TMEM63B: variants seen among roughly 807,000 people sequenced by gnomAD.
The protein encoded by TMEM63B is mechanosensitive cation channel TMEM63B.
In TMEM63B, 23 loss-of-function variants were observed where a neutral mutation model predicts 102.6. The ratio of observed to expected loss-of-function variants is 0.22; its 90% CI spans 0.16 to 0.32. The LOEUF (loss-of-function observed/expected upper bound fraction) is 0.32. TMEM63B is among the 10% of genes least tolerant of loss of function. The probability of loss-of-function intolerance (pLI) is 1.00; values close to 1 mark genes in which losing one functional copy is unlikely to be tolerated. For synonymous variants in TMEM63B, 444 were observed against 437.0 expected, an observed-to-expected ratio of 1.02 and a Z score of -0.20; for missense variants, 628 against 1,095.9, an observed-to-expected ratio of 0.57 and a Z score of 6.03.
In TMEM63B at chr6:44,153,912, G is replaced by A. The variant is rs1767389964; in HGVS notation, c.2110+69G>A. 2.5e-6 allele frequency: 4 copies of A among 1,581,760 alleles called. No individual in the cohort carries two copies. In the African/African-American group the frequency reaches 5.4e-5, roughly 21 times the overall value. ...GGATTCCAGCCAGAGCAGGCCACAGGAGAAGCCGCATGGCTGGGGGTGGCA... is the reference window on the plus strand; with the variant it reads ...GGATTCCAGCCAGAGCAGGCCACAGAAGAAGCCGCATGGCTGGGGGTGGCA... On this transcript the variant is annotated intron_variant, in intron 21 of 23. Coordinates refer to ENST00000323267, the MANE Select transcript of TMEM63B (RefSeq NM_018426.3).
At chr6:44,138,925 A>T (rs1408605141) in intron 6 of TMEM63B, 1 of 285,738 alleles carries the variant, frequency 3.5e-6, no homozygotes, top group Non-Finnish European at 6.8e-6. Context: ...GCAGGAAGCC[A>T]GGACAGGTCA....
intron 22 of TMEM63B, 50 bp from the exon 23 acceptor site, chr6:44,154,315 C>T: frequency 7.5e-6 from 12 of 1,608,808 alleles, no homozygotes; most frequent in Non-Finnish European, 1.0e-5. Context: ...GGGTCATGAT[C>T]AGGGCTGAGG....
intron 1 of TMEM63B, 106 bp downstream of exon 1, chr6:44,127,784 C>G (rs1260374678): frequency 6.6e-6 from 1 of 151,930 alleles, no homozygotes; most frequent in South Asian, 2.1e-4. Flanking sequence ...CTTCAACCTC[C>G]TGCGGGACCC....
chr6:44,130,620 G>C (rs533720874), intron 1 of TMEM63B, among the ~76,000 whole-genome samples: 1 of 151,498 alleles, frequency 6.6e-6, no homozygotes, highest in Admixed American at 6.6e-5. Flanking sequence ...TTGGTGGTGG[G>C]GGGTATCTTT....
At chr6:44,126,702 A>C (rs1777099451), upstream of TMEM63B, among the ~76,000 whole-genome samples, 1 of 152,180 alleles carries the variant, frequency 6.6e-6, no homozygotes, top group African/African-American at 2.4e-5. Context: ...AGGAACCAGA[A>C]ATTAAATGAC....
intron 15 of TMEM63B, chr6:44,149,252 G>A (rs1018673261): frequency 2.2e-6 from 1 of 464,090 alleles, no homozygotes; most frequent in Admixed American, 3.4e-5. Context: ...AAATGGAAAG[G>A]TTCAACTAGA....
Position 44,150,071 on chromosome 6 carries a change from A to G in TMEM63B, c.1520+106A>G, listed in dbSNP as rs367754874. The G allele has an allele frequency of 5.6e-5, 76 of 1,359,628 alleles. No homozygotes were observed. The South Asian group carries it at 7.5e-4, about 13-fold the overall frequency. 84.2% of individuals were successfully genotyped at this position (1,359,628 alleles called of 1,614,324 possible). Reference sequence around the variant, plus strand: ...CAGGCTCCTGGCCCTGGGCAGTCCCACAGCTGGTAGGGAAGGGGTAGTGCC... The same window carrying G: ...CAGGCTCCTGGCCCTGGGCAGTCCCGCAGCTGGTAGGGAAGGGGTAGTGCC... On this transcript the variant is annotated intron_variant, in intron 16 of 23. Coordinates refer to ENST00000323267, the MANE Select transcript of TMEM63B (RefSeq NM_018426.3). This position sits in a 1 kb window ranked among gnomAD's most constrained non-coding sequence, Gnocchi z 4.7.
chr6:44,132,722 A>G (rs1192311233), intron 1 of TMEM63B, among the ~76,000 whole-genome samples: 1 of 132,300 alleles, frequency 7.6e-6, no homozygotes, highest in Non-Finnish European at 1.6e-5. Context: ...GCAGTCACCT[A>G]GCTCCTCCTG....
Position 44,134,666 on chromosome 6 carries a change from A to G in TMEM63B, c.82A>G (p.Ile28Val). The G allele has an allele frequency of 1.2e-6, 2 of 1,614,210 alleles. No individual in the cohort carries two copies. The highest frequency in any genetic ancestry group is 1.7e-6 in the Non-Finnish European group (2 of 1,180,030). Residue 28 changes from isoleucine (I) to valine (V), a missense_variant, in exon 2 of 24, where the codon ATC becomes GTC. Ile to Val is a conservative substitution (Grantham distance 29). Around this residue, in one of 6 missense-constraint regions of TMEM63B, gnomAD observed 336 missense variants for 580.3 expected, o/e 0.58. Coordinates refer to ENST00000323267, the MANE Select transcript of TMEM63B (RefSeq NM_018426.3). ...CAAGGACTACTGCTACAGCGCCCGC[A>G]TCCGCAGCACTGTCCTGCAGGGCCT... is the stretch of plus-strand genomic sequence containing the variant. ...NPKDYCYSAR[I>V]RSTVLQGLPF...
intron 1 of TMEM63B, among the ~76,000 whole-genome samples, chr6:44,128,695 A>G (rs1777715421): frequency 6.6e-6 from 1 of 152,222 alleles, no homozygotes; most frequent in South Asian, 2.1e-4. Flanking sequence ...CCGGGGAGCA[A>G]TGAGGCTGTG....
chr6:44,148,645 C>T lies in TMEM63B; in HGVS notation c.1254C>T (p.Ile418=). Residue 418 remains isoleucine (I), a synonymous_variant, in exon 14 of 24, where the codon ATC becomes ATT. Coordinates refer to ENST00000323267, the MANE Select transcript of TMEM63B (RefSeq NM_018426.3). This position sits in a 1 kb window ranked among gnomAD's most constrained non-coding sequence, Gnocchi z 5.1. ...CCTATGCCCCTGACCCTCAGAACAT[C>T]TACTGGTGAGCAAACAGGTGTCAGG... ...TVSYAPDPQN[I]YWEHLSIRGF... 1 of 1,614,004 alleles carries T rather than the reference C, an allele frequency of 6.2e-7. No individual in the cohort carries two copies.
chr6:44,148,118 G>A lies in TMEM63B; in HGVS notation c.988-134G>A. 2 of 1,359,156 alleles carry A rather than the reference G, an allele frequency of 1.5e-6. No homozygotes were observed. Among genetic ancestry groups the A allele is most frequent in the Admixed American group, 2.3e-5 (1 of 44,110 alleles). 84.2% of individuals were successfully genotyped at this position (1,359,156 alleles called of 1,614,324 possible). A position where few individuals can be genotyped will look rare whatever the true frequency, so the allele number is the denominator to read the frequency against. ...AGCCTGGGCATCAGAGCGAGACGCT[G>A]TTTCCAAAAAAAAAAAAATGCTTAG... is the stretch of plus-strand genomic sequence containing the variant. On this transcript the variant is annotated intron_variant, in intron 12 of 23. Transcript: ENST00000323267. This position sits in a 1 kb window ranked among gnomAD's most constrained non-coding sequence, Gnocchi z 5.1.
In TMEM63B at chr6:44,148,686, C is replaced by T. The variant is rs191364966; in HGVS notation, c.1259+36C>T. 1.9e-6 allele frequency: 3 copies of T among 1,611,998 alleles called. No homozygotes were observed. The highest frequency in any genetic ancestry group is 3.3e-5 in the Admixed American group (2 of 59,968). ...AGGTGTCAGGGCAGGCTTTCCAGGG[C>T]CTGGGATGGGCTCAGTAGGTAGGCG... On this transcript the variant is annotated intron_variant, in intron 14 of 23. Transcript: ENST00000323267. This position sits in a 1 kb window ranked among gnomAD's most constrained non-coding sequence, Gnocchi z 5.1.
At position 44,152,031 on chromosome 6, in the gene TMEM63B, CG is replaced by C. The variant is rs1766760282; in HGVS notation, c.1836+25del. 2.5e-6 allele frequency: 4 copies of C among 1,576,514 alleles called. No homozygotes were observed. Among genetic ancestry groups the C allele is most frequent in the Non-Finnish European group, 3.4e-6 (4 of 1,164,136 alleles). The stretch of plus-strand genomic sequence containing the variant: ...CGGGTACGGCCGCCTGGGGCAGCAG[CG>C]GCCCGCACAGCGCCCCCTGGTGGCC... On this transcript the variant is annotated intron_variant, in intron 19 of 23. Coordinates refer to ENST00000323267, the MANE Select transcript of TMEM63B (RefSeq NM_018426.3). This position sits in a 1 kb window ranked among gnomAD's most constrained non-coding sequence, Gnocchi z 6.4.
chr6:44,145,047 T>G (rs924049742), intron 10 of TMEM63B, among the ~76,000 whole-genome samples: 50 of 149,942 alleles, frequency 3.3e-4, no homozygotes, highest in African/African-American at 1.2e-3. Context: ...GGAGCCGAGG[T>G]GGGTGAATCA....
At chr6:44,131,111 G>A (rs901276027) in intron 1 of TMEM63B, among the ~76,000 whole-genome samples, 1 of 151,274 alleles carries the variant, frequency 6.6e-6, no homozygotes, top group African/African-American at 2.4e-5. Context: ...GTAGAGACGG[G>A]GTTTCACTGT....
At chr6:44,146,228 C>T (rs1461736051) in intron 10 of TMEM63B, among the ~76,000 whole-genome samples, 12 of 152,038 alleles carry the variant, frequency 7.9e-5, no homozygotes, top group Non-Finnish European at 1.6e-4. Flanking sequence ...AAGGTCACAG[C>T]CCTGGACAGG....
At chr6:44,143,912 C>T (rs1010548569) in intron 10 of TMEM63B, among the ~76,000 whole-genome samples, 1 of 152,184 alleles carries the variant, frequency 6.6e-6, no homozygotes, top group African/African-American at 2.4e-5. Flanking sequence ...ATTCATTCAG[C>T]CCACATTTAT....
In TMEM63B at chr6:44,147,653, C is replaced by T. The variant is rs536369789; in HGVS notation, c.987+153C>T. ...GGTTTGTCTAATGTCCCTACAGTGA[C>T]CAGGTTTTCAAACCTCAAATTAGAA... On this transcript the variant is annotated intron_variant, in intron 12 of 23. Transcript: ENST00000323267. Among the ~76,000 whole-genome samples, 15 of 152,302 alleles carry T rather than the reference C, an allele frequency of 9.8e-5. No homozygotes were observed. The East Asian group carries it at 2.7e-3, about 27-fold the overall frequency.
Sources: gnomAD v4.1 joint callset for allele counts (sites outside exome capture counted in the v4.1 genomes callset) on GRCh38, gnomAD v4.1.1 for gene constraint, gnomAD v4.1.1 regional missense constraint, Gnocchi (gnomAD v3.1) non-coding constraint, MANE v1.5 for transcripts, NCBI Gene and HGNC (gene_info 2026-07-23, HGNC 2026-07-21) for gene names.